The following TXNDC12 variants were observed in gnomAD, a reference collection of about 807,000 sequenced individuals.
The protein encoded by TXNDC12 is thioredoxin domain containing 12, also known as thioredoxin domain-containing protein 12.
A neutral mutation model predicts 24.2 loss-of-function variants in TXNDC12; 22 were observed. The observed-to-expected ratio is 0.91, with a 90% confidence interval of 0.65 to 1.30. The LOEUF (loss-of-function observed/expected upper bound fraction) is 1.30. TXNDC12 is among the 50% of genes most tolerant of loss of function. The pLI, the probability that TXNDC12 is intolerant of heterozygous loss-of-function variation, is 0.00. For synonymous variants in TXNDC12, 58 were observed against 73.4 expected, an observed-to-expected ratio of 0.79 and a Z score of 1.07; for missense variants, 184 against 205.8, an observed-to-expected ratio of 0.89 and a Z score of 0.65.
At chr1:52,041,361 C>A (rs757610208) in intron 2 of TXNDC12, among the ~76,000 whole-genome samples, 176 bp downstream of exon 2, 5 of 151,444 alleles carry the variant, frequency 3.3e-5, no homozygotes, top group African/African-American at 1.2e-4. Context: ...AGAAAAAAAA[C>A]CCATGTTGTT....
intron 2 of TXNDC12, among the ~76,000 whole-genome samples, chr1:52,040,434 G>A (rs1420805078): frequency 2.6e-5 from 4 of 151,976 alleles, no homozygotes; most frequent in East Asian, 1.9e-4. Context: ...TGATCTGCCC[G>A]CCTCAACCTA....
chr1:52,022,776 G>A (rs1685618011), intron 6 of TXNDC12, among the ~76,000 whole-genome samples: 1 of 151,802 alleles, frequency 6.6e-6, no homozygotes, highest in African/African-American at 2.4e-5. Flanking sequence ...GAGTAGCTGG[G>A]ACTACAGGCA....
chr1:52,024,653 A>G, intron 4 of TXNDC12, 74 bp from the exon 5 acceptor site: 2 of 1,237,544 alleles, frequency 1.6e-6, no homozygotes, highest in South Asian at 2.6e-5. Flanking sequence ...TGGCTTCCCC[A>G]CTTGTCAGGG....
At position 52,043,404 on chromosome 1, in the gene TXNDC12, C is replaced by T. The variant is rs1474031092; in HGVS notation, c.98-1807G>A. 2.0e-5 allele frequency among the ~76,000 whole-genome samples: 3 copies of T among 152,290 alleles called. No individual in the cohort carries two copies. The East Asian group carries it at 5.8e-4, about 29-fold the overall frequency. On this transcript the variant is annotated intron_variant, in intron 1 of 6. Coordinates refer to ENST00000371626, the MANE Select transcript of TXNDC12 (RefSeq NM_015913.4). ...AATGAATCTTATTTAGATCATATCACAAAAAGAATTTTATATCCAAAAATT... is the reference window on the plus strand; with the variant it reads ...AATGAATCTTATTTAGATCATATCATAAAAAGAATTTTATATCCAAAAATT...
Position 52,037,463 on chromosome 1 carries a change from C to T in TXNDC12, c.158+4074G>A, listed in dbSNP as rs142550477. Among the ~76,000 whole-genome samples, 823 of 152,190 alleles carry T rather than the reference C, an allele frequency of 5.4e-3. 13 individuals carry two copies. Among genetic ancestry groups the T allele is most frequent in the African/African-American group, 0.019 (795 of 41,534 alleles). The stretch of plus-strand genomic sequence containing the variant: ...CCAACTTCAGGTGATCCCCCGACCT[C>T]GGCCTCCCAAGTGCTGGGATTACAG... On this transcript the variant is annotated intron_variant, in intron 2 of 6. Coordinates refer to ENST00000371626, the MANE Select transcript of TXNDC12 (RefSeq NM_015913.4).
At chr1:52,027,393 C>T (rs781635915) in intron 3 of TXNDC12, 45 bp from the exon 4 acceptor site, 117 of 1,341,882 alleles carry the variant, frequency 8.7e-5, no homozygotes, top group Non-Finnish European at 1.2e-4. Context: ...ACATCATTGT[C>T]ACAACTAAAC....
chr1:52,045,414 G>A (rs1012279094), intron 1 of TXNDC12, among the ~76,000 whole-genome samples: 23 of 152,158 alleles, frequency 1.5e-4, no homozygotes, highest in Admixed American at 1.0e-3. Context: ...GAGGTAAAAT[G>A]AGGTCATTGC....
chr1:52,031,100 G>C (rs1300884003), intron 2 of TXNDC12, among the ~76,000 whole-genome samples: 1 of 151,004 alleles, frequency 6.6e-6, no homozygotes. Flanking sequence ...TCTTCACCAG[G>C]TTTCCAAAGC....
At chr1:52,052,595 C>T (rs1686236785) in intron 1 of TXNDC12, 1 of 164,206 alleles carries the variant, frequency 6.1e-6, no homozygotes, top group African/African-American at 2.4e-5. Context: ...AGGCCCCAGT[C>T]ATCATAGAAC....
intron 1 of TXNDC12, among the ~76,000 whole-genome samples, chr1:52,049,015 T>C (rs1686150791): frequency 6.6e-6 from 1 of 152,160 alleles, no homozygotes; most frequent in Non-Finnish European, 1.5e-5. Context: ...CTGTTCAATA[T>C]GGTAGTCACT....
Position 52,055,129 on chromosome 1 carries a change from G to A in TXNDC12, c.-33C>T, listed in dbSNP as rs373817023. The A allele has an allele frequency of 5.3e-6, 8 of 1,516,916 alleles. No homozygotes were observed. Among genetic ancestry groups the A allele is most frequent in the Admixed American group, 1.7e-5 (1 of 59,488 alleles). 94.0% of individuals were successfully genotyped at this position (1,516,916 alleles called of 1,614,324 possible). ...GGTGCGCGGGGCCACGGGGCTGAGC[G>A]GACGCAGGGCCGGAGTCCCAGCAGA... On this transcript the variant is annotated 5_prime_UTR_variant, in exon 1 of 7. Transcript: ENST00000371626.
chr1:52,032,639 C>T lies in TXNDC12; in HGVS notation c.159-4009G>A, dbSNP rs1572001652. 3 of 1,531,584 alleles carry T rather than the reference C, an allele frequency of 2.0e-6. No homozygotes were observed. The East Asian group carries it at 6.8e-5, about 35-fold the overall frequency. 94.9% of individuals were successfully genotyped at this position (1,531,584 alleles called of 1,614,324 possible). ...CTGGAGACCTGCAGCCTATTTTTCC[C>T]AGAGAAATAAAGTGGAGTGGAGATC... On this transcript the variant is annotated intron_variant, in intron 2 of 6. Transcript: ENST00000371626.
intron 2 of TXNDC12, chr1:52,032,515 G>A: frequency 1.5e-6 from 2 of 1,377,774 alleles, no homozygotes; most frequent in South Asian, 1.9e-5. Context: ...TCTTTAGTCT[G>A]AACTTATGCT....
chr1:52,055,322 G>C (rs1470950387), upstream of TXNDC12: 2 of 505,486 alleles, frequency 4.0e-6, no homozygotes, highest in Non-Finnish European at 7.2e-6. Flanking sequence ...AAGGGTACGA[G>C]AGCTGTTCTC....
At chr1:52,046,965 C>T (rs979295257) in intron 1 of TXNDC12, among the ~76,000 whole-genome samples, 2 of 150,838 alleles carry the variant, frequency 1.3e-5, no homozygotes, top group South Asian at 2.1e-4. Context: ...ATTGCTTGAA[C>T]TTGGGAGGCG....
chr1:52,039,110 G>C (rs920843308), intron 2 of TXNDC12, among the ~76,000 whole-genome samples: 1 of 137,806 alleles, frequency 7.3e-6, no homozygotes, highest in East Asian at 2.3e-4. Context: ...AAAAAAAAAG[G>C]GTTCATTTAT....
In TXNDC12 at chr1:52,034,159, C is replaced by T. The variant is rs897399952; in HGVS notation, c.159-5529G>A. On this transcript the variant is annotated intron_variant, in intron 2 of 6. Coordinates refer to ENST00000371626, the MANE Select transcript of TXNDC12 (RefSeq NM_015913.4). Reference sequence around the variant, plus strand: ...TCCTCCTCTTAAACCTACTGGCTCTCAGTAAATGTTTATTCAATTACCATT... The same window carrying T: ...TCCTCCTCTTAAACCTACTGGCTCTTAGTAAATGTTTATTCAATTACCATT... The T allele has an allele frequency of 3.1e-5, 26 of 841,446 alleles. No homozygotes were observed. The Admixed American group carries it at 1.0e-3, about 33-fold the overall frequency. 52.1% of individuals were successfully genotyped at this position (841,446 alleles called of 1,614,324 possible).
At chr1:52,052,623 A>T (rs1184907441) in intron 1 of TXNDC12, 1 of 159,038 alleles carries the variant, frequency 6.3e-6, no homozygotes, top group Admixed American at 6.5e-5. Context: ...AGCCTTTCCC[A>T]GTGTGCCTTG....
In TXNDC12 at chr1:52,028,567, T is replaced by C. The variant is rs775441207; in HGVS notation, c.211+11A>G. On this transcript the variant is annotated intron_variant, in intron 3 of 6. Transcript: ENST00000371626. ...CTGAGTTTTGAATTTAGATTGAGCA[T>C]TTGCACTTACCTTTGCAAGCTCCAC... The C allele has an allele frequency of 1.7e-5, 27 of 1,609,456 alleles. No individual in the cohort carries two copies. The highest frequency in any genetic ancestry group is 2.2e-5 in the Non-Finnish European group (26 of 1,177,696).
Sources: gnomAD v4.1 joint callset for allele counts (sites outside exome capture counted in the v4.1 genomes callset) on GRCh38, gnomAD v4.1.1 for gene constraint, MANE v1.5 for transcripts, NCBI Gene and HGNC (gene_info 2026-07-23, HGNC 2026-07-21) for gene names.